ACSL6: variants seen among roughly 807,000 people sequenced by gnomAD.
ACSL6 encodes acyl-CoA synthetase long chain family member 6.
A neutral mutation model predicts 98.2 loss-of-function variants in ACSL6; 47 were observed. The observed-to-expected ratio is 0.48, with a 90% CI of 0.38 to 0.61. The LOEUF (loss-of-function observed/expected upper bound fraction) is 0.61. Among genes scored for constraint, ACSL6 ranks in the 20% least tolerant of loss-of-function variants. The probability of loss-of-function intolerance (pLI) is 0.00; values close to 1 mark genes in which losing one functional copy is unlikely to be tolerated. For missense variants in ACSL6, 761 were observed against 913.4 expected (o/e 0.83, Z 2.15); for synonymous variants, 362 against 336.9 (o/e 1.07, Z -0.82).
Position 131,994,087 on chromosome 5 carries a change from G to T in ACSL6, c.214C>A (p.Arg72=), listed in dbSNP as rs764258957. 5 of 1,614,192 alleles carry T rather than the reference G, an allele frequency of 3.1e-6. No individual in the cohort carries two copies. Among genetic ancestry groups the T allele is most frequent in the South Asian group, 2.2e-5 (2 of 91,080 alleles). Residue 72 remains arginine (R), a synonymous_variant, in exon 2 of 21, where the codon CGG becomes AGG. Transcript: ENST00000651883. ...CATGGCGGCTGCAAGGCCTTTGGCCGGTGAGTGAACCAGTAGGCAAGGATG... is the reference window on the plus strand; with the variant it reads ...CATGGCGGCTGCAAGGCCTTTGGCCTGTGAGTGAACCAGTAGGCAAGGATG... ...AAILAYWFTH[R]PKALQPPCNL... is the part of the protein sequence containing the mutation.
intron 5 of ACSL6, 90 bp from the exon 6 acceptor site, chr5:131,988,994 T>C (rs1754356893): frequency 8.6e-7 from 1 of 1,159,436 alleles, no homozygotes; most frequent in South Asian, 1.3e-5. Flanking sequence ...GTCCCTGCTC[T>C]AAGCCCTATG....
At position 131,990,950 on chromosome 5, in the gene ACSL6, C is replaced by T. The variant is rs762442498; in HGVS notation, c.288G>A (p.Arg96=). Reference sequence around the variant, plus strand: ...GAGGGCCAGACCCAATCACAGATCGCCGTGCCCCGCCACTGTCCTACAAGC... The same window carrying T: ...GAGGGCCAGACCCAATCACAGATCGTCGTGCCCCGCCACTGTCCTACAAGC... ...SEEVEDSGGA[R]RSVIGSGPQL... Residue 96 remains arginine, a synonymous_variant, in exon 3 of 21, where the codon CGG becomes CGA. Transcript: ENST00000651883. 4.3e-6 allele frequency: 7 copies of T among 1,610,230 alleles called. No homozygotes were observed. The highest frequency in any genetic ancestry group is 1.3e-5 in the African/African-American group (1 of 75,014).
At chr5:131,954,402 C>G in intron 20 of ACSL6, 31 bp from the exon 21 acceptor site, 1 of 1,606,470 alleles carries the variant, frequency 6.2e-7, no homozygotes. Context: ...ACATCTTTAA[C>G]AGGAATAGAA....
chr5:131,971,598 T>A lies in ACSL6; in HGVS notation c.1386A>T (p.Pro462=), dbSNP rs1013559780. The A allele has an allele frequency of 5.6e-6, 9 of 1,612,438 alleles. No homozygotes were observed. Among genetic ancestry groups the A allele is most frequent in the Non-Finnish European group, 7.6e-6 (9 of 1,179,214 alleles). ...CVRMIVTGAA[P]ASPTVLGFLR... ...GAAATCCCAGAACTGTTGGTGATGC[T>A]GGGGCTGCTCCAGTAACAATCATCC... Residue 462 remains proline (P), a synonymous_variant, in exon 14 of 21, where the codon CCA becomes CCT. Transcript: ENST00000651883.
Position 131,963,951 on chromosome 5 carries a change from C to A in ACSL6, c.1714-1273G>T, listed in dbSNP as rs73786716. 1.3e-3 allele frequency among the ~76,000 whole-genome samples: 200 copies of A among 152,338 alleles called. 1 individual carries two copies. The highest frequency in any genetic ancestry group is 4.6e-3 in the African/African-American group (190 of 41,590). ...AGCTTAGTTAACTCCTCCAAAGCCA[C>A]ACAGCTAGAAGTTGGGGAACCAGGA... On this transcript the variant is annotated intron_variant, in intron 17 of 20. Transcript: ENST00000651883.
intron 1 of ACSL6, among the ~76,000 whole-genome samples, chr5:132,008,484 C>T (rs1334210518): frequency 6.6e-6 from 1 of 152,240 alleles, no homozygotes; most frequent in Non-Finnish European, 1.5e-5. Flanking sequence ...CCAGCCATGA[C>T]TCAAGCCATC....
intron 6 of ACSL6, 36 bp downstream of exon 6, chr5:131,988,769 G>A: frequency 6.2e-7 from 1 of 1,603,678 alleles, no homozygotes; most frequent in Non-Finnish European, 8.5e-7. Context: ...CTGGGGACCA[G>A]TTGCCAGTGG....
intron 10 of ACSL6, chr5:131,975,888 C>A: frequency 1.0e-6 from 1 of 985,500 alleles, no homozygotes; most frequent in South Asian, 4.7e-5. Flanking sequence ...GACCTGGGCT[C>A]AGCCACCAAC....
chr5:131,985,984 CCCA>C (rs1754156017), intron 8 of ACSL6, among the ~76,000 whole-genome samples: 2 of 152,230 alleles, frequency 1.3e-5, no homozygotes, highest in African/African-American at 2.4e-5. Flanking sequence ...CCAGAAGGAG[CCCA>C]CCAAGTCTGC....
intron 11 of ACSL6, chr5:131,973,707 C>A: frequency 4.0e-6 from 1 of 250,242 alleles, no homozygotes. Flanking sequence ...AAACCCTGGA[C>A]ATGGGCCTCC....
chr5:132,008,903 C>T (rs1008176557), intron 1 of ACSL6, among the ~76,000 whole-genome samples: 3 of 152,248 alleles, frequency 2.0e-5, no homozygotes, highest in Non-Finnish European at 4.4e-5. Flanking sequence ...AGACTTCTTC[C>T]TACTTTGCAC....
intron 9 of ACSL6, among the ~76,000 whole-genome samples, chr5:131,980,057 G>A (rs1041537504): frequency 1.3e-5 from 2 of 152,216 alleles, no homozygotes; most frequent in African/African-American, 4.8e-5. Flanking sequence ...CAGCAGCTGC[G>A]GATGGACTTG....
intron 17 of ACSL6, among the ~76,000 whole-genome samples, chr5:131,963,355 T>C (rs1752835614): frequency 6.6e-6 from 1 of 152,114 alleles, no homozygotes; most frequent in African/African-American, 2.4e-5. Context: ...GGTGATTACG[T>C]GGGCCTCTTT....
intron 1 of ACSL6, among the ~76,000 whole-genome samples, chr5:132,006,117 C>T (rs1755394213): frequency 6.6e-6 from 1 of 152,180 alleles, no homozygotes. Context: ...CCCCAGACGC[C>T]CCTACTACAT....
chr5:131,998,544 C>T (rs906934615), intron 1 of ACSL6, among the ~76,000 whole-genome samples: 4 of 152,168 alleles, frequency 2.6e-5, no homozygotes, highest in Non-Finnish European at 4.4e-5. Flanking sequence ...AGCAAAGCCC[C>T]AGAGCACAGT....
intron 14 of ACSL6, 86 bp downstream of exon 14, chr5:131,971,464 T>C (rs1753302911): frequency 9.0e-7 from 1 of 1,106,282 alleles, no homozygotes; most frequent in Admixed American, 3.5e-5. Context: ...CCCCCGGTTC[T>C]TTCTCTGAGC....
intron 9 of ACSL6, chr5:131,983,563 A>T (rs1320015239): frequency 6.6e-6 from 1 of 152,270 alleles, no homozygotes; most frequent in Non-Finnish European, 1.5e-5. Context: ...TGTGACGCTG[A>T]GGACACACAA....
chr5:131,984,282 G>C (rs1754050590), intron 9 of ACSL6: 1 of 152,242 alleles, frequency 6.6e-6, no homozygotes, highest in Non-Finnish European at 1.5e-5. Context: ...GAATAATCCT[G>C]GTTGTAGGGC....
chr5:131,962,839 G>C (rs1353279129), intron 17 of ACSL6, among the ~76,000 whole-genome samples, 161 bp from the exon 18 acceptor site: 2 of 152,008 alleles, frequency 1.3e-5, no homozygotes. Context: ...AGGGCTCCTG[G>C]AGAGAACCAC....
Sources: allele counts gnomAD v4.1 joint callset (sites outside exome capture counted in the v4.1 genomes callset), GRCh38; gene constraint gnomAD v4.1.1; transcripts MANE v1.5; gene names NCBI Gene and HGNC (gene_info 2026-07-23, HGNC 2026-07-21).